The following DSCAML1 variants were observed in gnomAD, a reference collection of about 807,000 sequenced individuals.
DSCAML1 encodes cell adhesion molecule DSCAML1.
In DSCAML1, 38 loss-of-function variants were observed where a neutral mutation model predicts 200.5. That is an observed-to-expected ratio of 0.19 (90% CI 0.15 to 0.25). The LOEUF (loss-of-function observed/expected upper bound fraction) is 0.25, where lower values mean the gene tolerates loss of function less well. Ranked by LOEUF, DSCAML1 falls within the 10% of genes least tolerant of loss-of-function variation. DSCAML1 has a pLI of 1.00. For synonymous variants in DSCAML1, 1,215 were observed against 1,165.0 expected (o/e 1.04, Z -0.87); for missense variants, 2,223 against 2,858.8 (o/e 0.78, Z 5.07).
chr11:117,476,314 G>A (rs77346757), intron 14 of DSCAML1, among the ~76,000 whole-genome samples: 5,063 of 152,242 alleles, frequency 0.033, 126 homozygotes, highest in South Asian at 0.034. Flanking sequence ...CATCTGGAGC[G>A]TTTAGCTGCC....
At chr11:117,550,840 G>A (rs893886825) in intron 3 of DSCAML1, among the ~76,000 whole-genome samples, 3 of 152,214 alleles carry the variant, frequency 2.0e-5, no homozygotes, top group Admixed American at 1.3e-4. Flanking sequence ...CACCTCTTCT[G>A]ACTCTGGCAA....
intron 3 of DSCAML1, among the ~76,000 whole-genome samples, chr11:117,582,106 G>T (rs1229304873): frequency 6.6e-6 from 1 of 152,184 alleles, no homozygotes; most frequent in East Asian, 1.9e-4. Flanking sequence ...GACAAGAAGG[G>T]TATCTGGGAC....
intron 3 of DSCAML1, among the ~76,000 whole-genome samples, chr11:117,656,738 A>G (rs1197514733): frequency 6.6e-6 from 1 of 152,112 alleles, no homozygotes; most frequent in Non-Finnish European, 1.5e-5. Context: ...TAATCAACAC[A>G]CTGTGCAGCC....
intron 3 of DSCAML1, among the ~76,000 whole-genome samples, chr11:117,661,135 T>C (rs1055836307): frequency 6.6e-6 from 1 of 152,196 alleles, no homozygotes; most frequent in Non-Finnish European, 1.5e-5. Flanking sequence ...ACTCTTTTCT[T>C]GGAAAACCCA....
At chr11:117,730,640 A>G (rs1233698319) in intron 3 of DSCAML1, among the ~76,000 whole-genome samples, 2 of 152,234 alleles carry the variant, frequency 1.3e-5, no homozygotes, top group Non-Finnish European at 2.9e-5. Context: ...TTTGGAAAAC[A>G]GTCTGCTAGT....
chr11:117,662,961 G>A (rs1026134971), intron 3 of DSCAML1, among the ~76,000 whole-genome samples: 34 of 152,152 alleles, frequency 2.2e-4, no homozygotes, highest in Non-Finnish European at 2.2e-4. Context: ...AACATCACGG[G>A]TTCTTCTGGT....
At chr11:117,698,677 C>T (rs116608036) in intron 3 of DSCAML1, among the ~76,000 whole-genome samples, 138 of 152,216 alleles carry the variant, frequency 9.1e-4, no homozygotes, top group African/African-American at 3.3e-3. Flanking sequence ...ACCTAATGAC[C>T]GATGCTGAGC....
intron 19 of DSCAML1, among the ~76,000 whole-genome samples, chr11:117,453,404 T>C (rs2048316559): frequency 6.6e-6 from 1 of 152,244 alleles, no homozygotes; most frequent in Admixed American, 6.5e-5. Context: ...TTAAAGAATA[T>C]CCTCTGGTAT....
At chr11:117,654,830 G>A (rs1325317272) in intron 3 of DSCAML1, among the ~76,000 whole-genome samples, 2 of 152,114 alleles carry the variant, frequency 1.3e-5, no homozygotes, top group African/African-American at 2.4e-5. Context: ...GCACTGAGCG[G>A]GTGGAGGAAA....
At chr11:117,731,348 T>C (rs2054215988) in intron 3 of DSCAML1, among the ~76,000 whole-genome samples, 1 of 152,070 alleles carries the variant, frequency 6.6e-6, no homozygotes, top group Admixed American at 6.5e-5. Flanking sequence ...CACCCCAAGG[T>C]CCTCAACATG....
intron 3 of DSCAML1, among the ~76,000 whole-genome samples, chr11:117,731,068 G>A (rs2054209157): frequency 1.3e-5 from 2 of 152,162 alleles, no homozygotes; most frequent in African/African-American, 4.8e-5. Flanking sequence ...AAAATTGATT[G>A]TGGTGATGGC....
At chr11:117,509,730 G>T (rs2049581641) in intron 8 of DSCAML1, among the ~76,000 whole-genome samples, 1 of 152,224 alleles carries the variant, frequency 6.6e-6, no homozygotes, top group Admixed American at 6.5e-5. Context: ...TCTGACCTGT[G>T]AGTCAGCGGC....
At chr11:117,803,769 C>T (rs191852555) in intron 1 of DSCAML1, among the ~76,000 whole-genome samples, 26 of 152,332 alleles carry the variant, frequency 1.7e-4, no homozygotes, top group Admixed American at 1.7e-3. Context: ...GTGCTGTTCA[C>T]ACAGAAGCCC....
At chr11:117,758,598 T>G (rs2054740325) in intron 3 of DSCAML1, among the ~76,000 whole-genome samples, 1 of 152,010 alleles carries the variant, frequency 6.6e-6, no homozygotes, top group African/African-American at 2.4e-5. Flanking sequence ...GAGATGGGGT[T>G]TCACCGTGTT....
intron 3 of DSCAML1, among the ~76,000 whole-genome samples, chr11:117,664,810 A>G (rs530124028): frequency 2.6e-5 from 4 of 152,084 alleles, no homozygotes; most frequent in African/African-American, 9.6e-5. Context: ...ACACCCACAG[A>G]CCCATGATGG....
At chr11:117,652,501 C>T (rs2052654536) in intron 3 of DSCAML1, among the ~76,000 whole-genome samples, 1 of 152,216 alleles carries the variant, frequency 6.6e-6, no homozygotes. Flanking sequence ...GCAAGACCTG[C>T]TCCACCTCCA....
intron 3 of DSCAML1, among the ~76,000 whole-genome samples, chr11:117,548,585 T>C (rs1047040013): frequency 6.6e-6 from 1 of 152,232 alleles, no homozygotes; most frequent in Non-Finnish European, 1.5e-5. Flanking sequence ...CGGGGTCATC[T>C]TTGTATTCCT....
At chr11:117,652,288 G>C (rs1591364708) in intron 3 of DSCAML1, among the ~76,000 whole-genome samples, 2 of 152,230 alleles carry the variant, frequency 1.3e-5, no homozygotes, top group South Asian at 2.1e-4. Context: ...TCCATGACGA[G>C]AGAGGTCACC....
intron 3 of DSCAML1, among the ~76,000 whole-genome samples, chr11:117,614,843 G>T (rs539286548): frequency 5.4e-4 from 82 of 152,300 alleles, no homozygotes; most frequent in African/African-American, 1.7e-3. Context: ...GAGAAGTAAT[G>T]GTCACTATGC....
Sources: allele counts gnomAD v4.1 joint callset (sites outside exome capture counted in the v4.1 genomes callset), GRCh38; gene constraint gnomAD v4.1.1; transcripts MANE v1.5; gene names NCBI Gene and HGNC (gene_info 2026-07-23, HGNC 2026-07-21).